Variants in NAPSA observed in about 807,000 individuals in gnomAD.
NAPSA encodes the protein napsin-A.
In NAPSA, 37 loss-of-function variants were observed where a neutral mutation model predicts 36.7. The ratio of observed to expected loss-of-function variants is 1.01; its 90% CI spans 0.78 to 1.33. NAPSA has a LOEUF of 1.33. NAPSA is among the 40% of genes most tolerant of loss of function. The probability of loss-of-function intolerance (pLI) is 0.00; values close to 1 mark genes in which losing one functional copy is unlikely to be tolerated. For synonymous variants in NAPSA, 222 were observed against 234.5 expected (o/e 0.95, Z 0.49); for missense variants, 532 against 543.8 (o/e 0.98, Z 0.21).
chr19:50,358,477 T>G lies in NAPSA; in HGVS notation c.*76A>C. ...AAAGAAGCAACCCAGGCAGGTTCGC[T>G]CAATGGAAATAGTGGATTTTTACTG... On this transcript the variant is annotated 3_prime_UTR_variant, in exon 9 of 9. Coordinates refer to ENST00000253719, the MANE Select transcript of NAPSA (RefSeq NM_004851.3). The G allele has an allele frequency of 7.8e-7, 1 of 1,285,276 alleles. No individual in the cohort carries two copies. The allele number at this position is 1,285,276 out of a possible 1,614,324, so 79.6% of individuals were successfully genotyped here.
At position 50,358,803 on chromosome 19, in the gene NAPSA, C is replaced by T. The variant is rs569623679; in HGVS notation, c.1036-23G>A. On this transcript the variant is annotated intron_variant, in intron 8 of 8. Coordinates refer to ENST00000253719, the MANE Select transcript of NAPSA (RefSeq NM_004851.3). ...AGTCTGCAAGGCAACAAGACGACAA[C>T]TGGGTGTCGCGGCCACAAGGACGGC... is the stretch of plus-strand genomic sequence containing the variant. 140 of 1,581,904 alleles carry T rather than the reference C, an allele frequency of 8.9e-5. No homozygotes were observed. The South Asian group carries it at 1.2e-3, about 14-fold the overall frequency.
chr19:50,359,037 G>C lies in NAPSA; in HGVS notation c.1009C>G (p.Leu337Val). 1 of 1,614,068 alleles carries C rather than the reference G, an allele frequency of 6.2e-7. No individual in the cohort carries two copies. Among genetic ancestry groups the C allele is most frequent in the Non-Finnish European group, 8.5e-7 (1 of 1,179,956 alleles). The change falls in exon 8 of 9, where the codon CTC (leucine) becomes GTC (valine). Residue 337 changes from leucine to valine, a missense_variant. By Grantham distance (32) the Leu-to-Val change is conservative. Coordinates refer to ENST00000253719, the MANE Select transcript of NAPSA (RefSeq NM_004851.3). ...TGGATGACGTAATCATGGGCCGTGA[G>C]GTTAAACCAGACCCCCCCAAGAAGG... is the stretch of plus-strand genomic sequence containing the variant. ...SFLLGGVWFN[L>V]TAHDYVIQTT...
chr19:50,365,105 G>A (rs1470910290), intron 1 of NAPSA, among the ~76,000 whole-genome samples: 1 of 151,836 alleles, frequency 6.6e-6, no homozygotes, highest in East Asian at 1.9e-4. Context: ...GGAGGCCGAG[G>A]TGAGCGGATC....
rs1568588392 is a variant in NAPSA at position 50,365,564 on chromosome 19, CCA to C, written c.56_57del (p.Val19GlyfsTer77). The C allele has an allele frequency of 2.5e-6, 4 of 1,613,644 alleles. No homozygotes were observed. The highest frequency in any genetic ancestry group is 3.4e-6 in the Non-Finnish European group (4 of 1,179,862). ...PLLLLLPLLN[V>X]EPSGATLIRI... ...CGGATCAGTGTGGCCCCGGAAGGCT[CCA>C]CATTCAGCAGAGGCAGCAGCAGCAG... On this transcript the variant is annotated frameshift_variant, in exon 1 of 9. Transcript: ENST00000253719. LOFTEE classifies it high-confidence loss of function.
Position 50,359,665 on chromosome 19 carries a change from A to G in NAPSA, c.792-18T>C, listed in dbSNP as rs1362822004. On this transcript the variant is annotated intron_variant, in intron 6 of 8. Coordinates refer to ENST00000253719, the MANE Select transcript of NAPSA (RefSeq NM_004851.3). ...CCTTCACACTGAGGGGGAAGGAGGC[A>G]GTCATCAGAGGCAGGGTCCTAGGAG... 6.2e-7 allele frequency: 1 copy of G among 1,614,228 alleles called. No homozygotes were observed. Among genetic ancestry groups the G allele is most frequent in the Non-Finnish European group, 8.5e-7 (1 of 1,180,034 alleles).
Position 50,362,195 on chromosome 19 carries a change from C to G in NAPSA, c.202G>C (p.Val68Leu), listed in dbSNP as rs1247407466. 1 of 1,613,658 alleles carries G rather than the reference C, an allele frequency of 6.2e-7. No homozygotes were observed. Among genetic ancestry groups the G allele is most frequent in the Non-Finnish European group, 8.5e-7 (1 of 1,179,756 alleles). Residue 68 changes from valine (V) to leucine (L), a missense_variant, in exon 2 of 9, where the codon GTA becomes CTA. Physicochemically the swap from Val to Leu is conservative, Grantham distance 32 (BLOSUM62 1). This residue lies in a region of NAPSA where 102 missense variants were observed against 93.6 expected (regional missense o/e 1.09). Coordinates refer to ENST00000253719, the MANE Select transcript of NAPSA (RefSeq NM_004851.3). ...APSPGDKPIF[V>L]PLSNYRDVQY... ...ACATCCCTGTAGTTCGAGAGAGGTACGAAGATGGGCTTGTCCCCAGGGGAT... is the reference window on the plus strand; with the variant it reads ...ACATCCCTGTAGTTCGAGAGAGGTAGGAAGATGGGCTTGTCCCCAGGGGAT...
chr19:50,367,602 G>C (rs919092507), upstream of NAPSA, among the ~76,000 whole-genome samples: 4 of 145,862 alleles, frequency 2.7e-5, no homozygotes, highest in Non-Finnish European at 4.5e-5. Flanking sequence ...CTCTCTCTCT[G>C]CTGAGCTACC....
chr19:50,358,733 C>G lies in NAPSA; in HGVS notation c.1083G>C (p.Leu361=). 1 of 1,613,456 alleles carries G rather than the reference C, an allele frequency of 6.2e-7. No individual in the cohort carries two copies. The highest frequency in any genetic ancestry group is 1.1e-5 in the South Asian group (1 of 91,052). Residue 361 remains leucine, a synonymous_variant, in exon 9 of 9, where the codon CTG becomes CTC. Coordinates refer to ENST00000253719, the MANE Select transcript of NAPSA (RefSeq NM_004851.3). Reference sequence around the variant, plus strand: ...AGGGCCCTGCAGGCGGAGGGACATCCAGGGCCTGGAAACCGGACAAGCAGA... The same window carrying G: ...AGGGCCCTGCAGGCGGAGGGACATCGAGGGCCTGGAAACCGGACAAGCAGA... The part of the protein sequence containing the change: ...VRLCLSGFQA[L]DVPPPAGPFW...
At chr19:50,359,319 G>C (rs139870206) in intron 7 of NAPSA, 184 bp downstream of exon 7, 2 of 891,212 alleles carry the variant, frequency 2.2e-6, no homozygotes, top group South Asian at 1.6e-5. Context: ...CAGAGTCGCA[G>C]TGTAGACACG....
chr19:50,368,974 C>T (rs1044597842), upstream of NAPSA, among the ~76,000 whole-genome samples: 2 of 152,206 alleles, frequency 1.3e-5, no homozygotes, highest in African/African-American at 4.8e-5. Context: ...GATCTCCTGC[C>T]GAACACGGCC....
intron 7 of NAPSA, 76 bp from the exon 8 acceptor site, chr19:50,359,185 T>C (rs1181578081): frequency 2.3e-6 from 3 of 1,305,668 alleles, no homozygotes; most frequent in Admixed American, 1.8e-5. Flanking sequence ...CCCAGTGCCA[T>C]AGGGTAATTT....
chr19:50,359,695 G>A, intron 6 of NAPSA, 45 bp downstream of exon 6: 4 of 1,614,228 alleles, frequency 2.5e-6, no homozygotes, highest in Non-Finnish European at 2.5e-6. Context: ...TAGGAGTCCA[G>A]GCCCCCAGCC....
At chr19:50,364,992 A>G (rs997241603) in intron 1 of NAPSA, among the ~76,000 whole-genome samples, 17 of 138,624 alleles carry the variant, frequency 1.2e-4, no homozygotes, top group Admixed American at 1.2e-3. Flanking sequence ...ACTCTGTCTC[A>G]AATAATAATA....
At chr19:50,364,916 C>T (rs1354420914) in intron 1 of NAPSA, among the ~76,000 whole-genome samples, 21 of 149,614 alleles carry the variant, frequency 1.4e-4, no homozygotes, top group Admixed American at 7.4e-4. Flanking sequence ...CACTTGAACC[C>T]GGGAGGCAGA....
chr19:50,359,606 C>T lies in NAPSA; in HGVS notation c.833G>A (p.Cys278Tyr), dbSNP rs769854006. ...CGTGCCCGTATCCAGGATGGCAGCA[C>T]AGCCCTTGGCACAGAGAGTCAGCCC... ...GPGLTLCAKGCAAILDTGTSL... is the reference protein window; with the variant it reads ...GPGLTLCAKGYAAILDTGTSL... Residue 278 changes from cysteine (C) to tyrosine (Y), a missense_variant, in exon 7 of 9, where the codon TGT (cysteine) becomes TAT (tyrosine). This residue lies in a region of NAPSA where 385 missense variants were observed against 371.5 expected (regional missense o/e 1.04). Coordinates refer to ENST00000253719, the MANE Select transcript of NAPSA (RefSeq NM_004851.3). 14 of 1,614,114 alleles carry T rather than the reference C, an allele frequency of 8.7e-6. No homozygotes were observed. Among genetic ancestry groups the T allele is most frequent in the Non-Finnish European group, 8.5e-7 (1 of 1,180,060 alleles).
rs533744414 is a variant in NAPSA at position 50,362,028 on chromosome 19, G to C, written c.290C>G (p.Thr97Ser). The C allele has an allele frequency of 2.5e-5, 40 of 1,612,032 alleles. No individual in the cohort carries two copies. In the African/African-American group the frequency reaches 4.5e-4, roughly 18 times the overall value. Residue 97 changes from threonine to serine, a missense_variant, in exon 3 of 9, where the codon ACT becomes AGT. Physicochemically the swap from Thr to Ser is moderately conservative, Grantham distance 58. Transcript: ENST00000253719. ...PPQNFTVAFD[T>S]GSSNLWVPSR... ...CGGGACCCAGAGATTGGAGGAGCCA[G>C]TGTCAAAGGCAACAGTGAAGTTTTG...
chr19:50,361,266 G>A (rs1019197349), intron 4 of NAPSA, 126 bp from the exon 5 acceptor site: 1 of 770,376 alleles, frequency 1.3e-6, no homozygotes, highest in Non-Finnish European at 2.1e-6. Flanking sequence ...CAACTTCCTA[G>A]GAAACTATGC....
In NAPSA at chr19:50,362,084, A is replaced by T; in HGVS notation, c.234T>A (p.Tyr78Ter). The change falls in exon 3 of 9, where the codon TAT becomes TAA. Residue 78 changes from tyrosine to a stop codon, truncating the protein, a stop_gained. Coordinates refer to ENST00000253719, the MANE Select transcript of NAPSA (RefSeq NM_004851.3). LOFTEE classifies it high-confidence loss of function. ...VPLSNYRDVQ[Y>*]FGEIGLGTPP... ...GCGTTCCCAGCCCAATTTCCCCAAA[A>T]TACTGCACCTGATAGCAAAAGAGGA... 6.2e-7 allele frequency: 1 copy of T among 1,614,122 alleles called. No individual in the cohort carries two copies. The highest frequency in any genetic ancestry group is 1.1e-5 in the South Asian group (1 of 91,078).
rs761672934 is a variant in NAPSA at position 50,362,024 on chromosome 19, G to T, written c.294C>A (p.Gly98=). The change falls in exon 3 of 9, where the codon GGC becomes GGA. Residue 98 remains glycine (G), a synonymous_variant. Transcript: ENST00000253719. The part of the protein sequence containing the change: ...PQNFTVAFDT[G]SSNLWVPSRR... ...TGGACGGGACCCAGAGATTGGAGGA[G>T]CCAGTGTCAAAGGCAACAGTGAAGT... 6.2e-7 allele frequency: 1 copy of T among 1,611,084 alleles called. No homozygotes were observed. The highest frequency in any genetic ancestry group is 8.5e-7 in the Non-Finnish European group (1 of 1,178,948).
Sources: gnomAD v4.1 joint callset for allele counts (sites outside exome capture counted in the v4.1 genomes callset) on GRCh38, gnomAD v4.1.1 for gene constraint, gnomAD v4.1.1 regional missense constraint, MANE v1.5 for transcripts, NCBI Gene and HGNC (gene_info 2026-07-23, HGNC 2026-07-21) for gene names.